The following CSMD3 variants were observed in gnomAD, a reference collection of about 807,000 sequenced individuals.
CSMD3 encodes the protein CUB and Sushi multiple domains 3.
Under a neutral mutation model 435.2 loss-of-function variants are expected in CSMD3, and 177 were observed. The ratio of observed to expected loss-of-function variants is 0.41; its 90% CI spans 0.36 to 0.46. The LOEUF (loss-of-function observed/expected upper bound fraction) is 0.46, where lower values mean the gene tolerates loss of function less well. Among genes scored for constraint, CSMD3 ranks in the 20% least tolerant of loss-of-function variants. CSMD3 has a pLI of 0.34. For synonymous variants in CSMD3, 1,656 were observed against 1,520.5 expected (o/e 1.09, Z -2.07); for missense variants, 4,265 against 4,504.6 (o/e 0.95, Z 1.52).
At chr8:112,457,083 T>G (rs969323470) in intron 32 of CSMD3, among the ~76,000 whole-genome samples, 1 of 152,134 alleles carries the variant, frequency 6.6e-6, no homozygotes, top group African/African-American at 2.4e-5. Context: ...CACAGAACCT[T>G]GGACTTTGCA....
Position 112,550,687 on chromosome 8 carries a change from AAATCCAGAT to A in CSMD3, c.4539_4547del (p.Lys1513_Phe1516delinsAsn). On this transcript the variant is annotated inframe_deletion, in exon 27 of 71. Coordinates refer to ENST00000297405, the MANE Select transcript of CSMD3 (RefSeq NM_198123.2). ...AAAACTTACTTGAAAACTGAATTGCAAATCCAGATTTGCTAATATAAAAATCCGTGTCAA... is the reference window on the plus strand; with the variant it reads ...AAAACTTACTTGAAAACTGAATTGCATTGCTAATATAAAAATCCGTGTCAA... The A allele has an allele frequency of 1.2e-6, 2 of 1,600,814 alleles. No homozygotes were observed. Among genetic ancestry groups the A allele is most frequent in the Non-Finnish European group, 1.7e-6 (2 of 1,168,408 alleles).
chr8:113,226,320 C>T (rs1194689188), intron 3 of CSMD3, among the ~76,000 whole-genome samples: 1 of 151,428 alleles, frequency 6.6e-6, no homozygotes, highest in Non-Finnish European at 1.5e-5. Flanking sequence ...GTGCCCAAAC[C>T]ACAAATATTA....
At chr8:112,825,482 G>A (rs1197546833) in intron 12 of CSMD3, among the ~76,000 whole-genome samples, 1 of 152,118 alleles carries the variant, frequency 6.6e-6, no homozygotes, top group Non-Finnish European at 1.5e-5. Flanking sequence ...CGTTGTGGCT[G>A]CTGACCCTCA....
At chr8:112,686,394 G>GA (rs1316700339) in intron 14 of CSMD3, among the ~76,000 whole-genome samples, 1 of 150,982 alleles carries the variant, frequency 6.6e-6, no homozygotes, top group Non-Finnish European at 1.5e-5. Flanking sequence ...GAAAGCAGAG[G>GA]AAAAATAAAG....
intron 32 of CSMD3, among the ~76,000 whole-genome samples, chr8:112,427,070 T>C (rs1302151408): frequency 2.6e-5 from 4 of 152,282 alleles, no homozygotes; most frequent in African/African-American, 9.6e-5. Context: ...TACCACAAGT[T>C]ACTTTAAAGA....
At chr8:113,345,672 C>A (rs2094146665) in intron 1 of CSMD3, among the ~76,000 whole-genome samples, 1 of 152,046 alleles carries the variant, frequency 6.6e-6, no homozygotes, top group African/African-American at 2.4e-5. Flanking sequence ...AATACCTAGT[C>A]TTGAAATTTA....
intron 27 of CSMD3, among the ~76,000 whole-genome samples, chr8:112,530,965 G>A (rs1378093443): frequency 1.3e-5 from 2 of 152,168 alleles, no homozygotes; most frequent in Admixed American, 6.5e-5. Context: ...GTGAGCCCCA[G>A]TGCTGCAATG....
At chr8:112,600,696 T>C (rs907881087) in intron 22 of CSMD3, among the ~76,000 whole-genome samples, 1 of 151,934 alleles carries the variant, frequency 6.6e-6, no homozygotes, top group Non-Finnish European at 1.5e-5. Context: ...TTTCTTTTCT[T>C]TTTTTTTGAG....
chr8:112,456,410 A>T (rs1313106001), intron 32 of CSMD3, among the ~76,000 whole-genome samples: 1 of 152,118 alleles, frequency 6.6e-6, no homozygotes, highest in Non-Finnish European at 1.5e-5. Context: ...TAACTGCAAT[A>T]AGCACTGAGT....
At chr8:113,232,053 CA>C in intron 3 of CSMD3, among the ~76,000 whole-genome samples, 1 of 151,486 alleles carries the variant, frequency 6.6e-6, no homozygotes, top group East Asian at 1.9e-4. Flanking sequence ...CATCGCAATT[CA>C]CAAAGAATTT....
chr8:113,071,216 A>G (rs1008530994), intron 5 of CSMD3, among the ~76,000 whole-genome samples: 4 of 152,070 alleles, frequency 2.6e-5, no homozygotes, highest in African/African-American at 4.8e-5. Context: ...AGTTTCTTAT[A>G]TATTTTGGAT....
chr8:112,598,556 G>A (rs866667435), intron 22 of CSMD3, among the ~76,000 whole-genome samples: 60 of 150,730 alleles, frequency 4.0e-4, no homozygotes, highest in African/African-American at 1.2e-3. Flanking sequence ...AGCCCACATC[G>A]CCAAGGCAAT....
intron 32 of CSMD3, among the ~76,000 whole-genome samples, chr8:112,468,095 A>C (rs1458879751): frequency 1.3e-5 from 2 of 152,182 alleles, no homozygotes; most frequent in Non-Finnish European, 2.9e-5. Flanking sequence ...TAATTCCAAC[A>C]ATATTTCATG....
At chr8:113,343,887 G>T (rs1047374534) in intron 1 of CSMD3, among the ~76,000 whole-genome samples, 1 of 151,944 alleles carries the variant, frequency 6.6e-6, no homozygotes. Context: ...CCTGACTAAC[G>T]TTATAATCTA....
At chr8:112,981,551 G>A (rs1229406569) in intron 6 of CSMD3, among the ~76,000 whole-genome samples, 1 of 151,426 alleles carries the variant, frequency 6.6e-6, no homozygotes, top group Non-Finnish European at 1.5e-5. Flanking sequence ...AAGTGGCCTT[G>A]ATGAAATAAT....
At chr8:113,028,052 A>T (rs2131220534) in intron 5 of CSMD3, among the ~76,000 whole-genome samples, 1 of 152,230 alleles carries the variant, frequency 6.6e-6, no homozygotes, top group Non-Finnish European at 1.5e-5. Context: ...GTTGTTTTAC[A>T]AACTGAAGGT....
chr8:112,719,127 G>T (rs1172855112), intron 13 of CSMD3, among the ~76,000 whole-genome samples: 1 of 152,020 alleles, frequency 6.6e-6, no homozygotes, highest in Non-Finnish European at 1.5e-5. Context: ...ATAAGTAAAT[G>T]ATCTAGAAAT....
At chr8:112,828,506 C>A (rs1441740105) in intron 12 of CSMD3, among the ~76,000 whole-genome samples, 1 of 152,106 alleles carries the variant, frequency 6.6e-6, no homozygotes, top group Admixed American at 6.6e-5. Context: ...TCTCTCCTGC[C>A]ACCATCCTGG....
intron 13 of CSMD3, among the ~76,000 whole-genome samples, chr8:112,719,701 T>C (rs2076815485): frequency 6.6e-6 from 1 of 152,078 alleles, no homozygotes. Flanking sequence ...ATTCAGTCCA[T>C]AGCAGTAGGT....
Sources: allele counts gnomAD v4.1 joint callset (sites outside exome capture counted in the v4.1 genomes callset), GRCh38; gene constraint gnomAD v4.1.1; transcripts MANE v1.5; gene names NCBI Gene and HGNC (gene_info 2026-07-23, HGNC 2026-07-21).